COL17A1: variants seen among roughly 807,000 people sequenced by gnomAD.
COL17A1 encodes collagen alpha-1(XVII) chain.
Under a neutral mutation model 218.4 loss-of-function variants are expected in COL17A1, and 181 were observed. The ratio of observed to expected loss-of-function variants is 0.83; its 90% CI spans 0.73 to 0.94. COL17A1 has a LOEUF of 0.94. Ranked by LOEUF, COL17A1 falls within the 40% of genes least tolerant of loss-of-function variation. The pLI, the probability that COL17A1 is intolerant of heterozygous loss-of-function variation, is 0.00. For synonymous variants in COL17A1, 721 were observed against 731.0 expected (o/e 0.99, Z 0.22); for missense variants, 1,924 against 1,945.9 (o/e 0.99, Z 0.21).
At chr10:104,085,402 G>A (rs561968801) in intron 1 of COL17A1, among the ~76,000 whole-genome samples, 3 of 152,242 alleles carry the variant, frequency 2.0e-5, no homozygotes, top group Non-Finnish European at 2.9e-5. Context: ...TTATAAGCCC[G>A]TATCATATTC....
In COL17A1 at chr10:104,062,069, C is replaced by T. The variant is rs145188132; in HGVS notation, c.910+189G>A. 7.9e-5 allele frequency among the ~76,000 whole-genome samples: 12 copies of T among 152,322 alleles called. No individual in the cohort carries two copies. In the East Asian group the frequency reaches 9.7e-4, roughly 12 times the overall value. Reference sequence around the variant, plus strand: ...TTACAAGGTGATGCTGTTGACAGGACAGCCTTCCCTGTGTGCTTGACTCAT... The same window carrying T: ...TTACAAGGTGATGCTGTTGACAGGATAGCCTTCCCTGTGTGCTTGACTCAT... On this transcript the variant is annotated intron_variant, in intron 12 of 55. Coordinates refer to ENST00000648076, the MANE Select transcript of COL17A1 (RefSeq NM_000494.4).
intron 20 of COL17A1, 122 bp downstream of exon 20, chr10:104,054,859 C>T (rs756903192): frequency 6.8e-7 from 1 of 1,476,936 alleles, no homozygotes; most frequent in Non-Finnish European, 9.3e-7. Flanking sequence ...CCTCACACAC[C>T]TGTCCCATCT....
chr10:104,053,966 C>G lies in COL17A1; in HGVS notation c.1788G>C (p.Leu596Phe). 1.2e-6 allele frequency: 2 copies of G among 1,612,188 alleles called. No homozygotes were observed. The highest frequency in any genetic ancestry group is 2.2e-5 in the South Asian group (2 of 91,050). The part of the protein sequence containing the change: ...FPGTPGIPGP[L>F]GHPGPQGPKG... ...TTGGTCCTTGTGGACCTGGGTGGCC[C>G]AAGGGCCCAGGGATACCTGTGAACA... Residue 596 changes from leucine (L) to phenylalanine (F), a missense_variant, in exon 22 of 56, where the codon TTG becomes TTC. Transcript: ENST00000648076.
At chr10:104,084,609 T>TA (rs2086791473) in intron 1 of COL17A1, among the ~76,000 whole-genome samples, 1 of 152,202 alleles carries the variant, frequency 6.6e-6, no homozygotes, top group Admixed American at 6.5e-5. Flanking sequence ...CCCAGGCTGG[T>TA]AAGTTTCTAT....
In COL17A1 at chr10:104,060,403, A is replaced by G. The variant is rs1043524562; in HGVS notation, c.980-123T>C. Reference sequence around the variant, plus strand: ...GAGGGAGGTAAATTAGCAGGTGTGTATGAGGGTCTCTTGTTCTTGCTGACA... The same window carrying G: ...GAGGGAGGTAAATTAGCAGGTGTGTGTGAGGGTCTCTTGTTCTTGCTGACA... On this transcript the variant is annotated intron_variant, in intron 13 of 55. Transcript: ENST00000648076. 10 of 1,386,182 alleles carry G rather than the reference A, an allele frequency of 7.2e-6. No individual in the cohort carries two copies. The African/African-American group carries it at 1.3e-4, about 18-fold the overall frequency. 85.9% of individuals were successfully genotyped at this position (1,386,182 alleles called of 1,614,324 possible).
intron 8 of COL17A1, among the ~76,000 whole-genome samples, chr10:104,070,980 C>G (rs2086664990): frequency 6.6e-6 from 1 of 152,192 alleles, no homozygotes; most frequent in Non-Finnish European, 1.5e-5. Context: ...GGGTCCTTGA[C>G]CTTGTATGCC....
chr10:104,038,977 G>T (rs771606108), intron 44 of COL17A1, 94 bp downstream of exon 44: 37 of 1,335,786 alleles, frequency 2.8e-5, no homozygotes, highest in Non-Finnish European at 3.9e-5. Flanking sequence ...GAATCATGGA[G>T]AAATGAATGA....
rs536182079 is a variant in COL17A1 at position 104,038,490 on chromosome 10, C to T, written c.2986G>A (p.Gly996Arg). The change falls in exon 45 of 56, where the codon GGG (glycine) becomes AGG (arginine). Residue 996 changes from glycine to arginine, a missense_variant. Physicochemically the swap from Gly to Arg is moderately radical, Grantham distance 125. Transcript: ENST00000648076. ...SSTMYVSGPPGPPGPPGPPGS... is the reference protein window; with the variant it reads ...SSTMYVSGPPRPPGPPGPPGS... ...GGAGGCCCAGGGGGCCCAGGGGGCC[C>T]TGGCGGGCCTGACACGTACATGGTA... The T allele has an allele frequency of 1.2e-6, 2 of 1,613,806 alleles. No individual in the cohort carries two copies. The highest frequency in any genetic ancestry group is 2.2e-5 in the East Asian group (1 of 44,870).
chr10:104,032,933 C>G lies in COL17A1; in HGVS notation c.4330G>C (p.Gly1444Arg). 6.2e-7 allele frequency: 1 copy of G among 1,614,140 alleles called. No homozygotes were observed. Among genetic ancestry groups the G allele is most frequent in the Non-Finnish European group, 8.5e-7 (1 of 1,180,024 alleles). ...TTGGGTCCTGGAGTGCCCATCTCTC[C>G]TTTTTGCCCAGGGGGTCCTTGAATG... Reference protein sequence around the residue: ...GAIQGPPGQKGEMGTPGPKGD... With the variant: ...GAIQGPPGQKREMGTPGPKGD... The change falls in exon 54 of 56, where the codon GGA becomes CGA. Residue 1444 changes from glycine (G) to arginine (R), a missense_variant. By Grantham distance (125) the Gly-to-Arg change is moderately radical. Coordinates refer to ENST00000648076, the MANE Select transcript of COL17A1 (RefSeq NM_000494.4).
chr10:104,053,974 C>T lies in COL17A1; in HGVS notation c.1780G>A (p.Gly594Arg), dbSNP rs1371473308. The T allele has an allele frequency of 1.2e-6, 2 of 1,612,546 alleles. No individual in the cohort carries two copies. The highest frequency in any genetic ancestry group is 1.7e-6 in the Non-Finnish European group (2 of 1,178,482). ...TGTGGACCTGGGTGGCCCAAGGGCCCAGGGATACCTGTGAACACACAAGGA... is the reference window on the plus strand; with the variant it reads ...TGTGGACCTGGGTGGCCCAAGGGCCTAGGGATACCTGTGAACACACAAGGA... ...RGFPGTPGIP[G>R]PLGHPGPQGP... The change falls in exon 22 of 56, where the codon GGG becomes AGG. Residue 594 changes from glycine (G) to arginine (R), a missense_variant. Physicochemically the swap from Gly to Arg is moderately radical, Grantham distance 125 (BLOSUM62 -2). Transcript: ENST00000648076.
chr10:104,056,920 G>A (rs1564679831), intron 17 of COL17A1, 55 bp downstream of exon 17: 10 of 1,549,374 alleles, frequency 6.5e-6, no homozygotes, highest in Non-Finnish European at 8.7e-6. Flanking sequence ...CTGACAGGCA[G>A]TGGGGCTGGC....
At chr10:104,037,513 G>A (rs574132092) in intron 46 of COL17A1, 123 bp downstream of exon 46, 11 of 1,292,520 alleles carry the variant, frequency 8.5e-6, no homozygotes, top group African/African-American at 7.2e-5. Context: ...TTATGAATTC[G>A]GAATTAAAAC....
Position 104,064,429 on chromosome 10 carries a change from G to T in COL17A1, c.766+9C>A, listed in dbSNP as rs777978017. 5 of 1,613,854 alleles carry T rather than the reference G, an allele frequency of 3.1e-6. No homozygotes were observed. In the African/African-American group the frequency reaches 5.3e-5, roughly 17 times the overall value. On this transcript the variant is annotated intron_variant, in intron 10 of 55. Transcript: ENST00000648076. The stretch of plus-strand genomic sequence containing the variant: ...GGGTGAGAGAGGGTGTGGGCTGCCC[G>T]CCAGGTACCTGATCCCGCAGAGTAG...
intron 3 of COL17A1, 94 bp from the exon 4 acceptor site, chr10:104,077,620 C>A: frequency 1.0e-6 from 1 of 967,362 alleles, no homozygotes; most frequent in Non-Finnish European, 1.6e-6. Flanking sequence ...CCTGGTTTTT[C>A]ACCAGGACCT....
At position 104,050,014 on chromosome 10, in the gene COL17A1, T is replaced by G. The variant is rs2086452070; in HGVS notation, c.2164+75A>C. 14 of 1,609,932 alleles carry G rather than the reference T, an allele frequency of 8.7e-6. 1 individual carries two copies. In the South Asian group the frequency reaches 1.4e-4, roughly 17 times the overall value. ...ACAGATTCGGTCTCTTACTTCTGGA[T>G]TTTTTCCAACCTAGTGACTGATGGA... On this transcript the variant is annotated intron_variant, in intron 28 of 55. Coordinates refer to ENST00000648076, the MANE Select transcript of COL17A1 (RefSeq NM_000494.4).
rs1343368111 is a variant in COL17A1, at chr10:104,031,676, A to AC, written c.*558dup. ...TATAACCATTAGAAACCCTATCATC[A>AC]CCTCCTAGAGGGGAAGTGAATTTCT... On this transcript the variant is annotated 3_prime_UTR_variant, in exon 56 of 56. Coordinates refer to ENST00000648076, the MANE Select transcript of COL17A1 (RefSeq NM_000494.4). The AC allele has an allele frequency of 6.2e-5, 10 of 161,598 alleles. No individual in the cohort carries two copies. The highest frequency in any genetic ancestry group is 1.7e-4 in the African/African-American group (7 of 41,430). 10.0% of individuals were successfully genotyped at this position (161,598 alleles called of 1,614,324 possible).
At chr10:104,042,870 A>T (rs2086374533) in intron 35 of COL17A1, among the ~76,000 whole-genome samples, 1 of 152,214 alleles carries the variant, frequency 6.6e-6, no homozygotes, top group Non-Finnish European at 1.5e-5. Flanking sequence ...TAGGAAACAA[A>T]TTGTCCATAA....
intron 1 of COL17A1, among the ~76,000 whole-genome samples, chr10:104,083,234 A>G (rs1433446734): frequency 6.6e-6 from 1 of 152,196 alleles, no homozygotes; most frequent in Non-Finnish European, 1.5e-5. Context: ...GATAGTTTTT[A>G]AAAGTGTAAC....
chr10:104,034,538 C>A, intron 51 of COL17A1, 83 bp downstream of exon 51: 1 of 1,555,558 alleles, frequency 6.4e-7, no homozygotes, highest in Non-Finnish European at 8.7e-7. Context: ...CTTCCTGTCC[C>A]TTTAAGTGCC....
Sources: gnomAD v4.1 joint callset for allele counts (sites outside exome capture counted in the v4.1 genomes callset) on GRCh38, gnomAD v4.1.1 for gene constraint, MANE v1.5 for transcripts, NCBI Gene and HGNC (gene_info 2026-07-23, HGNC 2026-07-21) for gene names.